The following EYS variants were observed in gnomAD, a reference collection of about 807,000 sequenced individuals.
The protein encoded by EYS is EGF-like photoreceptor maintenance factor.
In EYS, 250 loss-of-function variants were observed where a neutral mutation model predicts 282.1. The observed-to-expected ratio is 0.89, with a 90% CI of 0.80 to 0.98. The LOEUF (loss-of-function observed/expected upper bound fraction) is 0.98. Ranked by LOEUF, EYS falls within the 50% of genes least tolerant of loss-of-function variation. EYS has a pLI of 0.00. For synonymous variants in EYS, 1,355 were observed against 1,282.9 expected (o/e 1.06, Z -1.20); for missense variants, 4,016 against 3,709.0 (o/e 1.08, Z -2.15).
chr6:63,829,057 C>T (rs1006788935), intron 36 of EYS, among the ~76,000 whole-genome samples: 1 of 152,176 alleles, frequency 6.6e-6, no homozygotes, highest in Non-Finnish European at 1.5e-5. Context: ...AATTCACAAT[C>T]GCAAAATCAT....
chr6:65,178,467 C>T (rs1425785747), intron 12 of EYS, among the ~76,000 whole-genome samples: 1 of 151,832 alleles, frequency 6.6e-6, no homozygotes, highest in Non-Finnish European at 1.5e-5. Context: ...ACGAAGAAGG[C>T]CATTACATAA....
In EYS at chr6:65,404,913, A is replaced by G. The variant is rs150049213; in HGVS notation, c.1056+261T>C. Among the ~76,000 whole-genome samples the G allele has an allele frequency of 2.5e-3, 379 of 152,144 alleles. 2 individuals carry two copies. The highest frequency in any genetic ancestry group is 8.5e-3 in the African/African-American group (353 of 41,558). On this transcript the variant is annotated intron_variant, in intron 6 of 42. Coordinates refer to ENST00000503581, the MANE Select transcript of EYS (RefSeq NM_001142800.2). ...AGTTAAAGTAAAACAATATTGAATAACTAAAAGATGAAAAAAAGCAATAAG... is the reference window on the plus strand; with the variant it reads ...AGTTAAAGTAAAACAATATTGAATAGCTAAAAGATGAAAAAAAGCAATAAG...
intron 8 of EYS, among the ~76,000 whole-genome samples, chr6:65,378,073 A>C (rs542585381): frequency 6.6e-6 from 1 of 152,310 alleles, no homozygotes; most frequent in East Asian, 1.9e-4. Context: ...CAGCAAAGGA[A>C]ACTATCATCA....
At chr6:65,656,565 G>C (rs1328262418) in intron 1 of EYS, among the ~76,000 whole-genome samples, 1 of 151,898 alleles carries the variant, frequency 6.6e-6, no homozygotes, top group Non-Finnish European at 1.5e-5. Context: ...CGTGAAGACA[G>C]AGAGATGAGG....
intron 18 of EYS, among the ~76,000 whole-genome samples, chr6:64,894,524 A>G (rs183855424): frequency 1.1e-3 from 166 of 152,300 alleles, no homozygotes; most frequent in Middle Eastern, 0.01. Context: ...GGACAGAGAC[A>G]TAATTCAGTT....
intron 11 of EYS, among the ~76,000 whole-genome samples, chr6:65,321,325 A>T (rs1013710485): frequency 6.6e-6 from 1 of 152,056 alleles, no homozygotes; most frequent in African/African-American, 2.4e-5. Flanking sequence ...TCCACAGGCT[A>T]AAAGAGGGTT....
chr6:65,696,230 G>T lies in EYS; in HGVS notation c.-448+10905C>A, dbSNP rs992925297. 3.5e-4 allele frequency among the ~76,000 whole-genome samples: 53 copies of T among 151,932 alleles called. 1 individual carries two copies. Among genetic ancestry groups the T allele is most frequent in the African/African-American group, 1.1e-3 (45 of 41,516 alleles). ...TTAAACATTTTCTGGCAAATTCTCAGAGATATATTTAAAAATGTCATACTC... is the reference window on the plus strand; with the variant it reads ...TTAAACATTTTCTGGCAAATTCTCATAGATATATTTAAAAATGTCATACTC... On this transcript the variant is annotated intron_variant, in intron 1 of 42. Coordinates refer to ENST00000503581, the MANE Select transcript of EYS (RefSeq NM_001142800.2).
At chr6:65,251,822 G>C (rs1303447823) in intron 12 of EYS, among the ~76,000 whole-genome samples, 2 of 151,986 alleles carry the variant, frequency 1.3e-5, no homozygotes, top group African/African-American at 4.8e-5. Flanking sequence ...GACTCCCAAT[G>C]CCTAAAGAGA....
chr6:64,032,080 C>A (rs1769875213), intron 33 of EYS, among the ~76,000 whole-genome samples: 1 of 152,140 alleles, frequency 6.6e-6, no homozygotes, highest in Non-Finnish European at 1.5e-5. Context: ...AGACCACGAA[C>A]TCACCGGGAG....
intron 30 of EYS, among the ~76,000 whole-genome samples, chr6:64,251,297 T>G (rs1324666734): frequency 6.6e-6 from 1 of 152,156 alleles, no homozygotes; most frequent in Non-Finnish European, 1.5e-5. Flanking sequence ...TGCATAATCT[T>G]TATGTACTGA....
intron 12 of EYS, among the ~76,000 whole-genome samples, chr6:65,172,355 T>C (rs986369093): frequency 1.3e-5 from 2 of 151,382 alleles, no homozygotes; most frequent in Non-Finnish European, 3.0e-5. Flanking sequence ...TCATCTAAAT[T>C]TCTTTCTCAA....
intron 26 of EYS, among the ~76,000 whole-genome samples, chr6:64,457,613 C>T (rs937978012): frequency 2.0e-5 from 3 of 151,992 alleles, no homozygotes; most frequent in African/African-American, 7.2e-5. Context: ...TAGTGACCTC[C>T]TTTGTCTTTT....
chr6:64,353,277 T>G (rs569684418), intron 29 of EYS, among the ~76,000 whole-genome samples: 3 of 151,678 alleles, frequency 2.0e-5, no homozygotes, highest in South Asian at 4.1e-4. Context: ...TTTATGACTT[T>G]GAGTCCAAAT....
chr6:64,600,805 G>A (rs868821157), intron 24 of EYS, among the ~76,000 whole-genome samples: 2 of 151,994 alleles, frequency 1.3e-5, no homozygotes, highest in Non-Finnish European at 2.9e-5. Context: ...GAAAACACAC[G>A]TTTATCTAAG....
chr6:63,758,678 A>G (rs1220719927), intron 41 of EYS, among the ~76,000 whole-genome samples: 2 of 152,012 alleles, frequency 1.3e-5, no homozygotes, highest in South Asian at 2.1e-4. Flanking sequence ...TCGCTTTTCT[A>G]TTTTTCTTAA....
intron 31 of EYS, among the ~76,000 whole-genome samples, chr6:64,217,156 G>T (rs1582440411): frequency 6.6e-6 from 1 of 152,182 alleles, no homozygotes; most frequent in East Asian, 1.9e-4. Flanking sequence ...TCAGAATTCA[G>T]CTATGTCTTC....
intron 36 of EYS, among the ~76,000 whole-genome samples, chr6:63,838,617 G>T (rs547539538): frequency 2.8e-4 from 43 of 152,098 alleles, no homozygotes; most frequent in Non-Finnish European, 5.9e-4. Context: ...CTTCACAAAA[G>T]TTTCTTAGCA....
intron 22 of EYS, among the ~76,000 whole-genome samples, chr6:64,656,707 T>A (rs1768760307): frequency 6.6e-6 from 1 of 152,096 alleles, no homozygotes; most frequent in Non-Finnish European, 1.5e-5. Flanking sequence ...CAAACTTCCA[T>A]CAGTAATTGT....
intron 22 of EYS, among the ~76,000 whole-genome samples, chr6:64,726,761 T>C (rs1473223897): frequency 6.6e-6 from 1 of 152,136 alleles, no homozygotes; most frequent in Non-Finnish European, 1.5e-5. Context: ...CAAGAAAACA[T>C]AGCCGAAAGC....
Sources: allele counts gnomAD v4.1 joint callset (sites outside exome capture counted in the v4.1 genomes callset), GRCh38; gene constraint gnomAD v4.1.1; transcripts MANE v1.5; gene names NCBI Gene and HGNC (gene_info 2026-07-23, HGNC 2026-07-21).